The following SAMTOR variants were observed in gnomAD, a reference collection of about 807,000 sequenced individuals.
The protein encoded by SAMTOR is UPF0532 protein C7orf60.
chr7:112,908,095 T>A, the SAMTOR span, among the ~76,000 whole-genome samples: 1 of 152,180 alleles, frequency 6.6e-6, no homozygotes, highest in South Asian at 2.1e-4. Flanking sequence ...AAATGAGGAA[T>A]ATATCTGTAT....
At chr7:112,895,780 C>T in the SAMTOR span, 59 of 1,337,556 alleles carry the variant, frequency 4.4e-5, no homozygotes, top group South Asian at 3.9e-4. Context: ...ATACTGTGTA[C>T]GACTACAAAA....
the SAMTOR span, among the ~76,000 whole-genome samples, chr7:112,861,935 T>C: frequency 6.6e-6 from 1 of 152,182 alleles, no homozygotes; most frequent in South Asian, 2.1e-4. Flanking sequence ...ATACTTTGGG[T>C]CACATCGTTG....
the SAMTOR span, among the ~76,000 whole-genome samples, chr7:112,924,056 G>C: frequency 1.3e-5 from 2 of 150,322 alleles, no homozygotes; most frequent in African/African-American, 2.5e-5. Context: ...GGTGGCGGGA[G>C]GGGGGAGGGA....
At chr7:112,890,863 TA>T in the SAMTOR span, among the ~76,000 whole-genome samples, 92 of 152,166 alleles carry the variant, frequency 6.0e-4, 1 homozygote, top group East Asian at 0.014. Context: ...GCTTTTTTGT[TA>T]TTTTTTTGTA....
chr7:112,929,079 T>G, the SAMTOR span, among the ~76,000 whole-genome samples: 1 of 151,950 alleles, frequency 6.6e-6, no homozygotes. Context: ...TTTTTCTCAA[T>G]AACTCTATCC....
chr7:112,869,565 T>TAA, the SAMTOR span, among the ~76,000 whole-genome samples: 1 of 143,082 alleles, frequency 7.0e-6, no homozygotes. Flanking sequence ...GCATAAAAAT[T>TAA]AAAAAAAAAA....
At chr7:112,848,692 A>C in the SAMTOR span, among the ~76,000 whole-genome samples, 1 of 152,198 alleles carries the variant, frequency 6.6e-6, no homozygotes, top group East Asian at 1.9e-4. Context: ...GAAAAGGTGT[A>C]TGTTTCCAAT....
chr7:112,919,315 C>T, the SAMTOR span, among the ~76,000 whole-genome samples: 1 of 151,938 alleles, frequency 6.6e-6, no homozygotes, highest in Non-Finnish European at 1.5e-5. Context: ...CACTCAACTA[C>T]ATGGAAACTG....
At chr7:112,827,154 T>G in the SAMTOR span, among the ~76,000 whole-genome samples, 4 of 152,234 alleles carry the variant, frequency 2.6e-5, no homozygotes, top group Non-Finnish European at 4.4e-5. Flanking sequence ...GCTTTCACTC[T>G]ATTTGTGTCT....
the SAMTOR span, among the ~76,000 whole-genome samples, chr7:112,849,631 T>C: frequency 6.6e-6 from 1 of 152,178 alleles, no homozygotes; most frequent in East Asian, 1.9e-4. Context: ...CTTCCCGTAC[T>C]ATGTTGAATA....
chr7:112,914,983 G>A, the SAMTOR span, among the ~76,000 whole-genome samples: 1 of 152,158 alleles, frequency 6.6e-6, no homozygotes, highest in African/African-American at 2.4e-5. Flanking sequence ...GCTCACGTCT[G>A]TAATCCAAGC....
the SAMTOR span, among the ~76,000 whole-genome samples, chr7:112,901,937 C>T: frequency 7.2e-5 from 11 of 152,188 alleles, no homozygotes; most frequent in Admixed American, 3.3e-4. Flanking sequence ...ATCTAGACAA[C>T]AGAGTATTAT....
At chr7:112,832,260 C>T in the SAMTOR span, among the ~76,000 whole-genome samples, 1 of 151,918 alleles carries the variant, frequency 6.6e-6, no homozygotes, top group Non-Finnish European at 1.5e-5. Context: ...GGTGATCCAC[C>T]CATCTTGGCC....
the SAMTOR span, among the ~76,000 whole-genome samples, chr7:112,921,229 G>T: frequency 6.6e-6 from 1 of 152,168 alleles, no homozygotes; most frequent in Non-Finnish European, 1.5e-5. Context: ...AAACAGCATG[G>T]TAATGGTACC....
At chr7:112,820,194 G>A in the SAMTOR span, 1 of 152,262 alleles carries the variant, frequency 6.6e-6, no homozygotes, top group African/African-American at 2.4e-5. Flanking sequence ...GAAATACTGG[G>A]TACATACACT....
At chr7:112,917,374 T>A in the SAMTOR span, among the ~76,000 whole-genome samples, 61 of 152,338 alleles carry the variant, frequency 4.0e-4, no homozygotes, top group African/African-American at 1.4e-3. Flanking sequence ...CCAACAGACC[T>A]GCAGCTGAGG....
chr7:112,851,603 T>A, the SAMTOR span, among the ~76,000 whole-genome samples: 6 of 152,064 alleles, frequency 3.9e-5, no homozygotes, highest in African/African-American at 1.4e-4. Context: ...GGGAAAACTC[T>A]TCTGGAGATT....
At chr7:112,906,715 G>A in the SAMTOR span, among the ~76,000 whole-genome samples, 1 of 151,884 alleles carries the variant, frequency 6.6e-6, no homozygotes, top group Non-Finnish European at 1.5e-5. Context: ...GGGACTACAG[G>A]TGCACACCAC....
At chr7:112,850,132 C>T in the SAMTOR span, among the ~76,000 whole-genome samples, 1 of 151,962 alleles carries the variant, frequency 6.6e-6, no homozygotes. Context: ...ACCCGGGAGG[C>T]GGAGGTTGTG....
Sources: allele counts gnomAD v4.1 joint callset (sites outside exome capture counted in the v4.1 genomes callset), GRCh38; gene constraint gnomAD v4.1.1; transcripts MANE v1.5; gene names NCBI Gene and HGNC (gene_info 2026-07-23, HGNC 2026-07-21).